Variants in CNTN4 observed in about 807,000 individuals in gnomAD.
CNTN4 encodes the protein contactin-4.
In CNTN4, 77 loss-of-function variants were observed where a neutral mutation model predicts 122.5. The ratio of observed to expected loss-of-function variants is 0.63; its 90% CI spans 0.52 to 0.76. The LOEUF (loss-of-function observed/expected upper bound fraction) is 0.76. Among genes scored for constraint, CNTN4 ranks in the 30% least tolerant of loss-of-function variants. The pLI is 0.00. For synonymous variants in CNTN4, 512 were observed against 447.0 expected (o/e 1.15, Z -1.83); for missense variants, 1,256 against 1,259.1 (o/e 1.00, Z 0.04).
intron 3 of CNTN4, among the ~76,000 whole-genome samples, chr3:2,346,025 G>T (rs114201905): frequency 2.6e-5 from 4 of 152,060 alleles, no homozygotes; most frequent in Non-Finnish European, 5.9e-5. Context: ...TTTTCAGTGT[G>T]AATTTTCCCC....
intron 10 of CNTN4, among the ~76,000 whole-genome samples, chr3:2,888,431 ACCAACACAGAATGGTTCTGTCAT>A (rs367915633): frequency 5.0e-4 from 76 of 152,192 alleles, no homozygotes; most frequent in African/African-American, 1.7e-3. Context: ...ATAAGAGACC[ACCAACACAGAATGGTTCTGTCAT>A]TCTAGGGAGG....
At chr3:2,608,599 A>C (rs1032717858) in intron 4 of CNTN4, among the ~76,000 whole-genome samples, 1 of 152,188 alleles carries the variant, frequency 6.6e-6, no homozygotes, top group Non-Finnish European at 1.5e-5. Context: ...TTCCTGCCTC[A>C]GCTTCCTGAG....
chr3:2,659,118 G>C (rs898582629), intron 4 of CNTN4, among the ~76,000 whole-genome samples: 40 of 152,006 alleles, frequency 2.6e-4, no homozygotes, highest in Admixed American at 6.6e-5. Context: ...TCTCATTAGA[G>C]ACAGAATTGA....
In CNTN4 at chr3:2,218,905, G is replaced by A. The variant is rs369699200; in HGVS notation, c.-145+118266G>A. 4.5e-4 allele frequency among the ~76,000 whole-genome samples: 69 copies of A among 152,288 alleles called. No individual in the cohort carries two copies. The South Asian group carries it at 7.0e-3, about 16-fold the overall frequency. The stretch of plus-strand genomic sequence containing the variant: ...TGTGTCATCTTCCTTTCTATATTTA[G>A]GAACTGTAGGAAGCTGTGCTATGGC... On this transcript the variant is annotated intron_variant, in intron 2 of 24. Coordinates refer to ENST00000418658, the MANE Select transcript of CNTN4 (RefSeq NM_175607.3).
intron 13 of CNTN4, among the ~76,000 whole-genome samples, chr3:2,962,029 T>A (rs1194935475): frequency 6.6e-6 from 1 of 152,230 alleles, no homozygotes; most frequent in African/African-American, 2.4e-5. Flanking sequence ...CAATTACATT[T>A]GAAATTTTAA....
intron 2 of CNTN4, among the ~76,000 whole-genome samples, chr3:2,182,420 A>G (rs1367446478): frequency 6.6e-6 from 1 of 152,136 alleles, no homozygotes; most frequent in African/African-American, 2.4e-5. Context: ...GAGATCTAAC[A>G]TTAGTTGTAG....
At chr3:2,403,082 G>C (rs987488451) in intron 3 of CNTN4, among the ~76,000 whole-genome samples, 2 of 152,062 alleles carry the variant, frequency 1.3e-5, no homozygotes, top group African/African-American at 4.8e-5. Flanking sequence ...AGCTTTGGGT[G>C]GTTTGATAGC....
At chr3:2,714,724 G>A (rs898812810) in intron 4 of CNTN4, among the ~76,000 whole-genome samples, 8 of 152,086 alleles carry the variant, frequency 5.3e-5, no homozygotes, top group African/African-American at 1.4e-4. Context: ...GGAAAATGTC[G>A]TCGTTTATTT....
chr3:2,826,740 G>A (rs963463369), intron 7 of CNTN4, among the ~76,000 whole-genome samples: 27 of 152,266 alleles, frequency 1.8e-4, no homozygotes, highest in African/African-American at 5.8e-4. Flanking sequence ...GAGCCAGGAC[G>A]AATCTTACTG....
intron 3 of CNTN4, among the ~76,000 whole-genome samples, chr3:2,419,316 T>G (rs956563608): frequency 6.6e-6 from 1 of 152,168 alleles, no homozygotes; most frequent in Non-Finnish European, 1.5e-5. Flanking sequence ...TTATTAAGAC[T>G]TTATAGTTTT....
intron 3 of CNTN4, among the ~76,000 whole-genome samples, chr3:2,395,253 C>T (rs2046599171): frequency 6.6e-6 from 1 of 152,054 alleles, no homozygotes; most frequent in Non-Finnish European, 1.5e-5. Context: ...GGAAGCCATA[C>T]ACAAGGAAAT....
intron 3 of CNTN4, among the ~76,000 whole-genome samples, chr3:2,419,868 C>G (rs966127129): frequency 6.6e-6 from 1 of 152,076 alleles, no homozygotes; most frequent in Non-Finnish European, 1.5e-5. Context: ...ACAAATATAT[C>G]AGCTCACATA....
intron 21 of CNTN4, 113 bp from the exon 22 acceptor site, chr3:3,042,864 T>G: frequency 2.4e-6 from 2 of 821,734 alleles, no homozygotes; most frequent in South Asian, 2.9e-5. Context: ...CTGCTCATGA[T>G]GTAGTATAGA....
intron 10 of CNTN4, among the ~76,000 whole-genome samples, chr3:2,888,227 G>GA (rs1343704327): frequency 6.6e-6 from 1 of 152,102 alleles, no homozygotes. Context: ...CTAAGGGGGG[G>GA]CCCAGAGTAA....
chr3:2,167,902 T>A (rs2036273405), intron 2 of CNTN4, among the ~76,000 whole-genome samples: 2 of 152,092 alleles, frequency 1.3e-5, no homozygotes, highest in Admixed American at 1.3e-4. Flanking sequence ...ATGCCTGTAA[T>A]CCCTGAAGCA....
chr3:2,821,145 T>C (rs1411569696), intron 7 of CNTN4, among the ~76,000 whole-genome samples: 1 of 151,742 alleles, frequency 6.6e-6, no homozygotes, highest in Non-Finnish European at 1.5e-5. Flanking sequence ...TTAGTAGAGA[T>C]AGGATTTCAC....
intron 2 of CNTN4, among the ~76,000 whole-genome samples, chr3:2,108,967 T>C (rs1360987186): frequency 6.6e-6 from 1 of 152,204 alleles, no homozygotes; most frequent in Non-Finnish European, 1.5e-5. Context: ...AGAATACATG[T>C]TCATGGAGCA....
At chr3:2,351,592 A>G (rs2044626450) in intron 3 of CNTN4, among the ~76,000 whole-genome samples, 1 of 152,142 alleles carries the variant, frequency 6.6e-6, no homozygotes, top group African/African-American at 2.4e-5. Context: ...TTCCCCGTGG[A>G]GTAGGACAGA....
chr3:2,906,679 A>T (rs1028166302), intron 12 of CNTN4, among the ~76,000 whole-genome samples: 30 of 151,304 alleles, frequency 2.0e-4, no homozygotes, highest in African/African-American at 7.3e-4. Context: ...ATCTACTAAA[A>T]ATATATATAT....
Sources: allele counts gnomAD v4.1 joint callset (sites outside exome capture counted in the v4.1 genomes callset), GRCh38; gene constraint gnomAD v4.1.1; transcripts MANE v1.5; gene names NCBI Gene and HGNC (gene_info 2026-07-23, HGNC 2026-07-21).